Variants in SGK3 observed in about 807,000 individuals in gnomAD.
SGK3 encodes the protein serine/threonine-protein kinase Sgk3.
A neutral mutation model predicts 68.5 loss-of-function variants in SGK3; 47 were observed. That is an observed-to-expected ratio of 0.69 (90% confidence interval 0.54 to 0.87). SGK3 has a LOEUF of 0.87. SGK3 is among the 40% of genes least tolerant of loss of function. The pLI, the probability that SGK3 is intolerant of heterozygous loss-of-function variation, is 0.00. For missense variants in SGK3, 479 were observed against 575.5 expected (o/e 0.83, Z 1.72); for synonymous variants, 181 against 189.1 (o/e 0.96, Z 0.35).
At chr8:66,818,076 C>T (rs1397955979) in intron 5 of SGK3, among the ~76,000 whole-genome samples, 1 of 152,142 alleles carries the variant, frequency 6.6e-6, no homozygotes, top group Non-Finnish European at 1.5e-5. Context: ...CTGTGATTAT[C>T]CCACTGCAGT....
intron 5 of SGK3, among the ~76,000 whole-genome samples, chr8:66,818,431 A>G (rs1808682680): frequency 6.6e-6 from 1 of 152,224 alleles, no homozygotes; most frequent in South Asian, 2.1e-4. Flanking sequence ...CATCATAACA[A>G]AGAGAAAAGT....
Position 66,769,231 on chromosome 8 carries a change from C to CT in SGK3, c.-121-24375dup, listed in dbSNP as rs563990076. 4.4e-4 allele frequency among the ~76,000 whole-genome samples: 66 copies of CT among 149,588 alleles called. No homozygotes were observed. The South Asian group carries it at 9.3e-3, about 21-fold the overall frequency. ...GCTCATCGATTCTCTTTACCTTTCT[C>CT]TTTTTTTTTTGAAACAGAGTCTCAC... is the stretch of plus-strand genomic sequence containing the variant. On this transcript the variant is annotated intron_variant, in intron 1 of 16. Transcript: ENST00000521198.
intron 1 of SGK3, among the ~76,000 whole-genome samples, chr8:66,728,939 C>T (rs1255990354): frequency 6.6e-6 from 1 of 151,550 alleles, no homozygotes; most frequent in African/African-American, 2.4e-5. Context: ...AAAATCTGGA[C>T]TGGGCACGGG....
At chr8:66,841,285 T>C (rs1429327578) in intron 13 of SGK3, among the ~76,000 whole-genome samples, 175 bp downstream of exon 13, 1 of 152,230 alleles carries the variant, frequency 6.6e-6, no homozygotes, top group Non-Finnish European at 1.5e-5. Flanking sequence ...TTTTTAACTG[T>C]GATTGTTAGA....
At chr8:66,760,330 CTTTTTTTTTTTTTT>C (rs201559163) in intron 1 of SGK3, among the ~76,000 whole-genome samples, 8 of 115,648 alleles carry the variant, frequency 6.9e-5, no homozygotes, top group Non-Finnish European at 1.3e-4. Context: ...TTTCTTTTTT[CTTTTTTTTTTTTTT>C]TTTTTTTTGA....
At chr8:66,857,204 A>C (rs1374292146) in intron 16 of SGK3, among the ~76,000 whole-genome samples, 1 of 152,220 alleles carries the variant, frequency 6.6e-6, no homozygotes, top group Non-Finnish European at 1.5e-5. Context: ...ACATACATAC[A>C]TACATATAAA....
chr8:66,840,379 G>A (rs1021221514), intron 12 of SGK3, 132 bp downstream of exon 12: 19 of 928,206 alleles, frequency 2.0e-5, no homozygotes, highest in Non-Finnish European at 2.8e-5. Context: ...TGACAAAACG[G>A]TAGGGATGGA....
At chr8:66,817,089 G>C (rs1808618406) in intron 5 of SGK3, among the ~76,000 whole-genome samples, 2 of 151,990 alleles carry the variant, frequency 1.3e-5, no homozygotes, top group Admixed American at 6.5e-5. Flanking sequence ...CAAAGTGCTG[G>C]GATTACAGGC....
intron 8 of SGK3, among the ~76,000 whole-genome samples, chr8:66,831,689 G>C (rs150210625): frequency 9.2e-5 from 14 of 152,238 alleles, no homozygotes; most frequent in Middle Eastern, 3.4e-3. Context: ...AGGAATTTAT[G>C]CTTTATGTGT....
At position 66,748,024 on chromosome 8, in the gene SGK3, A is replaced by G. The variant is rs532077348; in HGVS notation, c.-122+35191A>G. On this transcript the variant is annotated intron_variant, in intron 1 of 16. Transcript: ENST00000521198. Reference sequence around the variant, plus strand: ...AATGTTTCACTTTCCACATCTGTCCAATGGAGAGTTCATAAGGTTTTCCTT... The same window carrying G: ...AATGTTTCACTTTCCACATCTGTCCGATGGAGAGTTCATAAGGTTTTCCTT... Among the ~76,000 whole-genome samples the G allele has an allele frequency of 8.7e-4, 133 of 152,250 alleles. 1 individual carries two copies. The highest frequency in any genetic ancestry group is 3.2e-3 in the African/African-American group (131 of 41,542).
At position 66,779,586 on chromosome 8, in the gene SGK3, AT is replaced by A. The variant is rs1229799950; in HGVS notation, c.-121-14029del. The stretch of plus-strand genomic sequence containing the variant: ...AATATATATATATATATATATATAT[AT>A]ATATATATATATATAAAACACATTT... On this transcript the variant is annotated intron_variant, in intron 1 of 16. Transcript: ENST00000521198. Among the ~76,000 whole-genome samples, 477 of 138,110 alleles carry A rather than the reference AT, an allele frequency of 3.5e-3. 3 individuals carry two copies. The highest frequency in any genetic ancestry group is 0.015 in the Middle Eastern group (4 of 270). 90.6% of individuals were successfully genotyped at this position (138,110 alleles called of 152,430 possible). A position where few individuals can be genotyped will look rare whatever the true frequency, so the allele number is the denominator to read the frequency against.
intron 13 of SGK3, among the ~76,000 whole-genome samples, 177 bp downstream of exon 13, chr8:66,841,287 AT>A (rs1809787739): frequency 6.6e-6 from 1 of 152,232 alleles, no homozygotes. Flanking sequence ...TTTAACTGTG[AT>A]TGTTAGATAC....
At chr8:66,855,873 T>C (rs1456211512) in intron 16 of SGK3, among the ~76,000 whole-genome samples, 1 of 152,256 alleles carries the variant, frequency 6.6e-6, no homozygotes, top group Non-Finnish European at 1.5e-5. Context: ...TCTCATACAG[T>C]GTTCTCAGTA....
rs1805693482 is a variant in SGK3 at position 66,747,740 on chromosome 8, T to C, written c.-122+34907T>C. Among the ~76,000 whole-genome samples, 3 of 152,182 alleles carry C rather than the reference T, an allele frequency of 2.0e-5. No homozygotes were observed. In the South Asian group the frequency reaches 6.2e-4, roughly 32 times the overall value. Reference sequence around the variant, plus strand: ...GCCTGGCTAATTTTTAATTTTTTTGTAGAGACAAGGTCCCATTATGCTGCC... The same window carrying C: ...GCCTGGCTAATTTTTAATTTTTTTGCAGAGACAAGGTCCCATTATGCTGCC... On this transcript the variant is annotated intron_variant, in intron 1 of 16. Transcript: ENST00000521198.
At chr8:66,839,974 T>TC in intron 10 of SGK3, 29 bp from the exon 11 acceptor site, 1 of 1,593,516 alleles carries the variant, frequency 6.3e-7, no homozygotes, top group Non-Finnish European at 8.6e-7. Context: ...ACATTCTCTC[T>TC]CCCCCCACCC....
intron 1 of SGK3, among the ~76,000 whole-genome samples, chr8:66,788,472 G>T (rs1807300442): frequency 6.6e-6 from 1 of 152,188 alleles, no homozygotes. Flanking sequence ...AGAGAGAGGG[G>T]TCCTTAATTC....
Position 66,801,644 on chromosome 8 carries a change from TTTCCCTCTCTC to T in SGK3, c.181-2728_181-2718del, listed in dbSNP as rs532121925. Among the ~76,000 whole-genome samples, 541 of 151,886 alleles carry T rather than the reference TTTCCCTCTCTC, an allele frequency of 3.6e-3. 4 individuals are homozygous for T. The highest frequency in any genetic ancestry group is 0.012 in the African/African-American group (512 of 41,542). On this transcript the variant is annotated intron_variant, in intron 3 of 16. Coordinates refer to ENST00000521198, the MANE Select transcript of SGK3 (RefSeq NM_001033578.3). Reference sequence around the variant, plus strand: ...GTCTGTCTCTGTCTCTGTGTCTTTCTTTCCCTCTCTCTTTCTCTCTCTCTCTCACACACACA... The same window carrying T: ...GTCTGTCTCTGTCTCTGTGTCTTTCTTTTCTCTCTCTCTCTCACACACACA...
At chr8:66,785,949 T>C (rs1384115141) in intron 1 of SGK3, among the ~76,000 whole-genome samples, 2 of 152,204 alleles carry the variant, frequency 1.3e-5, no homozygotes, top group African/African-American at 2.4e-5. Context: ...TGTTCCTCTT[T>C]TGAAAAGCTC....
chr8:66,825,824 T>C (rs945468910), intron 6 of SGK3, among the ~76,000 whole-genome samples: 1 of 152,192 alleles, frequency 6.6e-6, no homozygotes, highest in Non-Finnish European at 1.5e-5. Context: ...AGTACAATTG[T>C]CTAATTCGAT....
Sources: gnomAD v4.1 joint callset for allele counts (sites outside exome capture counted in the v4.1 genomes callset) on GRCh38, gnomAD v4.1.1 for gene constraint, MANE v1.5 for transcripts, NCBI Gene and HGNC (gene_info 2026-07-23, HGNC 2026-07-21) for gene names.